CACNA1G: variants seen among roughly 807,000 people sequenced by gnomAD.
The protein encoded by CACNA1G is calcium voltage-gated channel subunit alpha1 G.
In CACNA1G, 67 loss-of-function variants were observed where a neutral mutation model predicts 219.4. The observed-to-expected ratio is 0.31, with a 90% CI of 0.25 to 0.37. CACNA1G has a LOEUF of 0.37. Ranked by LOEUF, CACNA1G falls within the 10% of genes least tolerant of loss-of-function variation. The pLI is 1.00. For missense variants in CACNA1G, 2,380 were observed against 3,231.4 expected (o/e 0.74, Z 6.39); for synonymous variants, 1,296 against 1,345.3 (o/e 0.96, Z 0.80).
At chr17:50,572,935 G>A (rs2039773461) in intron 6 of CACNA1G, 81 bp downstream of exon 6, 1 of 1,574,202 alleles carries the variant, frequency 6.4e-7, no homozygotes, top group Non-Finnish European at 8.7e-7. Context: ...TCGCTCTCAG[G>A]GTTGGGGTGG....
In CACNA1G at chr17:50,596,973, A is replaced by G. The variant is rs1170495174; in HGVS notation, c.3258+50A>G. 1.4e-6 allele frequency: 2 copies of G among 1,453,648 alleles called. No individual in the cohort carries two copies. The highest frequency in any genetic ancestry group is 2.5e-5 in the East Asian group (1 of 40,118). 90.0% of individuals were successfully genotyped at this position (1,453,648 alleles called of 1,614,324 possible). ...GATGGTGGGAGATATTCCAAGGAGGACAGGAGGAAGAGAGGATGGAGGCAG... is the reference window on the plus strand; with the variant it reads ...GATGGTGGGAGATATTCCAAGGAGGGCAGGAGGAAGAGAGGATGGAGGCAG... On this transcript the variant is annotated intron_variant, in intron 16 of 37. Coordinates refer to ENST00000359106, the MANE Select transcript of CACNA1G (RefSeq NM_018896.5). This position sits in a 1 kb window ranked among gnomAD's most constrained non-coding sequence, Gnocchi z 4.8.
At chr17:50,565,973 T>C (rs990514457) in intron 1 of CACNA1G, among the ~76,000 whole-genome samples, 1 of 152,082 alleles carries the variant, frequency 6.6e-6, no homozygotes, top group African/African-American at 2.4e-5. Context: ...ACAGTCACCA[T>C]AGCAACAGTA....
rs555251756 is a variant in CACNA1G, at chr17:50,566,509, G to A, written c.243-2361G>A. 5.3e-5 allele frequency among the ~76,000 whole-genome samples: 8 copies of A among 152,330 alleles called. No homozygotes were observed. The East Asian group carries it at 1.5e-3, about 29-fold the overall frequency. On this transcript the variant is annotated intron_variant, in intron 1 of 37. Transcript: ENST00000359106. Reference sequence around the variant, plus strand: ...CAAGAGCTGTGCATGAGGTTATTCGGGGGCAGGCTTTGCCTGTAAGAGGCC... The same window carrying A: ...CAAGAGCTGTGCATGAGGTTATTCGAGGGCAGGCTTTGCCTGTAAGAGGCC...
intron 23 of CACNA1G, 55 bp downstream of exon 23, chr17:50,606,078 G>A (rs1598560600): frequency 6.2e-7 from 1 of 1,612,460 alleles, no homozygotes; most frequent in Non-Finnish European, 8.5e-7. Context: ...AGGGGGCACA[G>A]GGCCATGCTT....
At chr17:50,582,661 C>T (rs189416269) in intron 9 of CACNA1G, among the ~76,000 whole-genome samples, 8 of 152,068 alleles carry the variant, frequency 5.3e-5, no homozygotes, top group East Asian at 1.9e-4. Flanking sequence ...AGGAGTGGGG[C>T]CTTGGAGACA....
chr17:50,590,907 C>T (rs1021301705), intron 10 of CACNA1G, among the ~76,000 whole-genome samples: 2 of 152,136 alleles, frequency 1.3e-5, no homozygotes, highest in Admixed American at 1.3e-4. Flanking sequence ...TTGTCCTTGA[C>T]CCCACCCAGG....
intron 6 of CACNA1G, 60 bp downstream of exon 6, chr17:50,572,914 G>T (rs1384234543): frequency 6.8e-5 from 108 of 1,585,418 alleles, no homozygotes; most frequent in Non-Finnish European, 9.0e-5. Flanking sequence ...CACAGCCCAG[G>T]ATCGGAGTGG....
intron 21 of CACNA1G, 114 bp from the exon 22 acceptor site, chr17:50,604,041 C>A: frequency 9.1e-7 from 1 of 1,095,310 alleles, no homozygotes; most frequent in Non-Finnish European, 1.2e-6. Flanking sequence ...TGTTCTGCCA[C>A]CAGAGGCCAG....
rs374491038 is a variant in CACNA1G, at chr17:50,621,846, C to G, written c.6060+52C>G. On this transcript the variant is annotated intron_variant, in intron 35 of 37. Coordinates refer to ENST00000359106, the MANE Select transcript of CACNA1G (RefSeq NM_018896.5). This position sits in a 1 kb window ranked among gnomAD's most constrained non-coding sequence, Gnocchi z 4.6. Reference sequence around the variant, plus strand: ...CCGGCCACCCCCGGGGCTGGACTGGCTGCAGGGCTCCAGATCGGCCCAGGG... The same window carrying G: ...CCGGCCACCCCCGGGGCTGGACTGGGTGCAGGGCTCCAGATCGGCCCAGGG... 107 of 1,603,370 alleles carry G rather than the reference C, an allele frequency of 6.7e-5. No homozygotes were observed. The highest frequency in any genetic ancestry group is 8.8e-5 in the Non-Finnish European group (104 of 1,175,608).
In CACNA1G at chr17:50,606,886, C is replaced by T; in HGVS notation, c.4423-14C>T. 1 of 1,600,906 alleles carries T rather than the reference C, an allele frequency of 6.2e-7. No individual in the cohort carries two copies. Among genetic ancestry groups the T allele is most frequent in the East Asian group, 2.2e-5 (1 of 44,824 alleles). On this transcript the variant is annotated splice_polypyrimidine_tract_variant and intron_variant, in intron 23 of 37. Transcript: ENST00000359106. The stretch of plus-strand genomic sequence containing the variant: ...CCTAGACTTCAAATGTCTCCTTCTC[C>T]TCCTCCCCATCAGGCCCTGATGTCC...
At chr17:50,604,337 C>G in intron 22 of CACNA1G, 56 bp downstream of exon 22, 1 of 1,593,848 alleles carries the variant, frequency 6.3e-7, no homozygotes, top group East Asian at 2.2e-5. Context: ...GGCCCTTCCC[C>G]TTGGCCCCTG....
chr17:50,608,239 AC>A (rs1379756573), intron 25 of CACNA1G, among the ~76,000 whole-genome samples: 1 of 151,896 alleles, frequency 6.6e-6, no homozygotes, highest in African/African-American at 2.4e-5. Flanking sequence ...AGCTGTCCCC[AC>A]CCTGGGGCCT....
intron 25 of CACNA1G, among the ~76,000 whole-genome samples, chr17:50,609,203 G>C (rs578210663): frequency 2.6e-5 from 4 of 152,060 alleles, no homozygotes; most frequent in Non-Finnish European, 4.4e-5. Context: ...ACTCTGAGGC[G>C]GGGGGAGAGT....
chr17:50,568,039 C>A (rs1379439338), intron 1 of CACNA1G, among the ~76,000 whole-genome samples: 1 of 152,154 alleles, frequency 6.6e-6, no homozygotes, highest in African/African-American at 2.4e-5. Flanking sequence ...ATAATGGGTC[C>A]TCAATATTTA....
intron 26 of CACNA1G, among the ~76,000 whole-genome samples, chr17:50,610,160 A>G (rs2048910356): frequency 6.6e-6 from 1 of 152,010 alleles, no homozygotes; most frequent in Non-Finnish European, 1.5e-5. Context: ...TGGAGAGCCC[A>G]CCTTCCCAGC....
intron 4 of CACNA1G, 80 bp downstream of exon 4, chr17:50,569,883 T>C: frequency 9.1e-7 from 1 of 1,094,388 alleles, no homozygotes; most frequent in Middle Eastern, 2.7e-4. Flanking sequence ...CCTCTACTAC[T>C]GTGTCCTCAC....
rs1233627842 is a variant in CACNA1G at position 50,604,294 on chromosome 17, C to G, written c.4296+13C>G. The G allele has an allele frequency of 6.2e-7, 1 of 1,612,258 alleles. No homozygotes were observed. Among genetic ancestry groups the G allele is most frequent in the African/African-American group, 1.3e-5 (1 of 74,904 alleles). ...CTTGGGGGTGCAGGTGTGTGGGGTT[C>G]TGGGGGCCAGCTGTGGGTGAAAGCC... On this transcript the variant is annotated intron_variant, in intron 22 of 37. Coordinates refer to ENST00000359106, the MANE Select transcript of CACNA1G (RefSeq NM_018896.5).
intron 9 of CACNA1G, among the ~76,000 whole-genome samples, chr17:50,584,151 GT>G (rs913240355): frequency 6.6e-5 from 10 of 152,276 alleles, no homozygotes; most frequent in Admixed American, 3.3e-4. Flanking sequence ...TGAGATGGCT[GT>G]GGGCCATCCC....
At chr17:50,592,462 C>T (rs902448811) in intron 13 of CACNA1G, among the ~76,000 whole-genome samples, 1 of 152,094 alleles carries the variant, frequency 6.6e-6, no homozygotes, top group Non-Finnish European at 1.5e-5. Flanking sequence ...CCCTCTGAGC[C>T]GAGGGGTGCA....
Sources: gnomAD v4.1 joint callset for allele counts (sites outside exome capture counted in the v4.1 genomes callset) on GRCh38, gnomAD v4.1.1 for gene constraint, Gnocchi (gnomAD v3.1) non-coding constraint, MANE v1.5 for transcripts, NCBI Gene and HGNC (gene_info 2026-07-23, HGNC 2026-07-21) for gene names.